VPS13B: variants seen among roughly 807,000 people sequenced by gnomAD.
VPS13B encodes intermembrane lipid transfer protein VPS13B.
Under a neutral mutation model 426.4 loss-of-function variants are expected in VPS13B, and 285 were observed. The ratio of observed to expected loss-of-function variants is 0.67; its 90% CI spans 0.61 to 0.74. The LOEUF (loss-of-function observed/expected upper bound fraction) is 0.74. VPS13B is among the 30% of genes least tolerant of loss of function. The pLI, the probability that VPS13B is intolerant of heterozygous loss-of-function variation, is 0.00. For synonymous variants in VPS13B, 1,676 were observed against 1,676.4 expected, an observed-to-expected ratio of 1.00 and a Z score of 0.01; for missense variants, 4,537 against 4,782.6, an observed-to-expected ratio of 0.95 and a Z score of 1.51.
intron 21 of VPS13B, among the ~76,000 whole-genome samples, chr8:99,426,354 A>C: frequency 2.6e-5 from 1 of 38,842 alleles, no homozygotes; most frequent in Non-Finnish European, 4.3e-5. Context: ...GCTATTGTGA[A>C]TAATGCCGCA....
At chr8:99,703,623 CAAA>C (rs1832376378) in intron 36 of VPS13B, among the ~76,000 whole-genome samples, 1 of 151,978 alleles carries the variant, frequency 6.6e-6, no homozygotes. Context: ...TTTCTGAAAA[CAAA>C]ACAACAGAAA....
intron 22 of VPS13B, among the ~76,000 whole-genome samples, chr8:99,438,033 T>TC (rs1325900078): frequency 7.2e-6 from 1 of 139,118 alleles, no homozygotes. Flanking sequence ...TTTCTTTTCC[T>TC]CTTTTTTTTT....
At chr8:99,220,580 T>C (rs750973820) in intron 17 of VPS13B, among the ~76,000 whole-genome samples, 61 of 152,120 alleles carry the variant, frequency 4.0e-4, no homozygotes, top group Non-Finnish European at 7.4e-4. Flanking sequence ...GGATTAAAGG[T>C]AATAAAATTA....
chr8:99,675,859 A>G lies in VPS13B; in HGVS notation c.6046+14368A>G, dbSNP rs1588614104. The stretch of plus-strand genomic sequence containing the variant: ...TTTATTGTTTTTCTTATGTTGTTGA[A>G]TTGTTTATCTGTTTTCCTGAGGCTT... On this transcript the variant is annotated intron_variant, in intron 35 of 61. Coordinates refer to ENST00000357162, the MANE Select transcript of VPS13B (RefSeq NM_152564.5). 2.0e-5 allele frequency among the ~76,000 whole-genome samples: 3 copies of G among 151,648 alleles called. 1 individual carries two copies. The highest frequency in any genetic ancestry group is 2.0e-4 in the Admixed American group (3 of 15,220).
chr8:99,067,582 T>A (rs1462393051), intron 3 of VPS13B, among the ~76,000 whole-genome samples: 1 of 152,206 alleles, frequency 6.6e-6, no homozygotes, highest in Non-Finnish European at 1.5e-5. Flanking sequence ...ACATGGCACA[T>A]GTATACCTAC....
chr8:99,591,943 G>T (rs1429587018), intron 33 of VPS13B, among the ~76,000 whole-genome samples: 1 of 152,176 alleles, frequency 6.6e-6, no homozygotes, highest in Non-Finnish European at 1.5e-5. Flanking sequence ...ATCCTGAAGA[G>T]TGTTTTCCAG....
chr8:99,589,618 C>A (rs185910909), intron 33 of VPS13B, among the ~76,000 whole-genome samples: 1 of 151,560 alleles, frequency 6.6e-6, no homozygotes, highest in African/African-American at 2.4e-5. Context: ...TTGGACATTT[C>A]GGTTGGTTCC....
At chr8:99,832,824 G>A (rs1444285412) in intron 52 of VPS13B, among the ~76,000 whole-genome samples, 172 bp downstream of exon 52, 1 of 152,076 alleles carries the variant, frequency 6.6e-6, no homozygotes, top group African/African-American at 2.4e-5. Context: ...AATCACATAT[G>A]GCTTGTCCCA....
chr8:99,254,842 C>T (rs1039813240), intron 17 of VPS13B, among the ~76,000 whole-genome samples: 1 of 152,118 alleles, frequency 6.6e-6, no homozygotes, highest in Admixed American at 6.5e-5. Flanking sequence ...GGGGTTTCAC[C>T]ATGTTGGCCA....
intron 39 of VPS13B, among the ~76,000 whole-genome samples, chr8:99,756,223 T>C (rs566324832): frequency 1.3e-5 from 2 of 152,276 alleles, no homozygotes; most frequent in Admixed American, 6.5e-5. Flanking sequence ...AAAAATTCAC[T>C]AGAGGGGCTA....
At chr8:99,841,934 G>A (rs1815706139) in intron 54 of VPS13B, among the ~76,000 whole-genome samples, 1 of 152,058 alleles carries the variant, frequency 6.6e-6, no homozygotes, top group African/African-American at 2.4e-5. Flanking sequence ...CCAGCCCAGA[G>A]AAGAGAACCC....
chr8:99,330,041 A>G (rs2133152093), intron 19 of VPS13B, among the ~76,000 whole-genome samples: 1 of 152,032 alleles, frequency 6.6e-6, no homozygotes, highest in South Asian at 2.1e-4. Flanking sequence ...TGTTTAGAGT[A>G]TATATTTTAT....
intron 3 of VPS13B, among the ~76,000 whole-genome samples, chr8:99,073,644 G>A (rs1232540203): frequency 7.1e-6 from 1 of 140,254 alleles, no homozygotes; most frequent in African/African-American, 2.7e-5. Flanking sequence ...ATAAGATCAT[G>A]TTGTCTGCAA....
Position 99,233,195 on chromosome 8 carries a change from C to T in VPS13B, c.2515+40138C>T, listed in dbSNP as rs545769962. On this transcript the variant is annotated intron_variant, in intron 17 of 61. Transcript: ENST00000357162. ...CTGATGATCACTTCCTCATTTTCAT[C>T]GGGCGTTTGGTCACGAGGCACAATG... is the stretch of plus-strand genomic sequence containing the variant. 2,027 of 1,394,044 alleles carry T rather than the reference C, an allele frequency of 1.5e-3. 4 individuals carry two copies. The highest frequency in any genetic ancestry group is 3.0e-3 in the Middle Eastern group (12 of 4,008). The allele number at this position is 1,394,044 out of a possible 1,614,324, so 86.4% of individuals were successfully genotyped here. A position where few individuals can be genotyped will look rare whatever the true frequency, so the allele number is the denominator to read the frequency against.
At chr8:99,625,152 G>T (rs1191818421) in intron 33 of VPS13B, among the ~76,000 whole-genome samples, 2 of 152,106 alleles carry the variant, frequency 1.3e-5, no homozygotes, top group Non-Finnish European at 2.9e-5. Flanking sequence ...GATATAACAT[G>T]CAGGAGGTCC....
intron 43 of VPS13B, among the ~76,000 whole-genome samples, chr8:99,785,938 T>C (rs1371023173): frequency 6.6e-6 from 1 of 152,194 alleles, no homozygotes; most frequent in Non-Finnish European, 1.5e-5. Flanking sequence ...GTAGCCACTT[T>C]ACCGATGCAC....
intron 28 of VPS13B, among the ~76,000 whole-genome samples, chr8:99,509,417 A>C (rs1339817673): frequency 6.6e-6 from 1 of 152,130 alleles, no homozygotes; most frequent in East Asian, 1.9e-4. Context: ...GGTTTTTTTA[A>C]TGGTCAATTA....
intron 17 of VPS13B, among the ~76,000 whole-genome samples, chr8:99,229,479 T>A (rs1816203141): frequency 6.6e-6 from 1 of 152,128 alleles, no homozygotes; most frequent in Non-Finnish European, 1.5e-5. Flanking sequence ...CATGGATTGA[T>A]TGATTGATTG....
intron 19 of VPS13B, among the ~76,000 whole-genome samples, chr8:99,307,849 A>T (rs1356525763): frequency 6.6e-6 from 1 of 152,006 alleles, no homozygotes; most frequent in Non-Finnish European, 1.5e-5. Context: ...ACAACATTAG[A>T]TATTTGAAAT....
Sources: allele counts gnomAD v4.1 joint callset (sites outside exome capture counted in the v4.1 genomes callset), GRCh38; gene constraint gnomAD v4.1.1; transcripts MANE v1.5; gene names NCBI Gene and HGNC (gene_info 2026-07-23, HGNC 2026-07-21).